The following CACNB4 variants were observed in gnomAD, a reference collection of about 807,000 sequenced individuals.
CACNB4 encodes the protein calcium voltage-gated channel auxiliary subunit beta 4.
A neutral mutation model predicts 71.2 loss-of-function variants in CACNB4; 32 were observed. The observed-to-expected ratio is 0.45, with a 90% confidence interval of 0.34 to 0.60. The LOEUF is 0.60. Ranked by LOEUF, CACNB4 falls within the 20% of genes least tolerant of loss-of-function variation. The pLI, the probability that CACNB4 is intolerant of heterozygous loss-of-function variation, is 0.01. For missense variants in CACNB4, 464 were observed against 647.9 expected, an observed-to-expected ratio of 0.72 and a Z score of 3.08; for synonymous variants, 231 against 236.9, an observed-to-expected ratio of 0.97 and a Z score of 0.23.
intron 2 of CACNB4, among the ~76,000 whole-genome samples, chr2:151,941,128 A>T (rs910400380): frequency 1.3e-5 from 2 of 152,178 alleles, no homozygotes; most frequent in African/African-American, 2.4e-5. Context: ...GTAATTAGTT[A>T]TTAGTTACTA....
At chr2:152,048,215 T>C (rs763813170) in intron 2 of CACNB4, among the ~76,000 whole-genome samples, 3 of 152,086 alleles carry the variant, frequency 2.0e-5, no homozygotes, top group Admixed American at 1.3e-4. Context: ...ACCCCCTAGA[T>C]GTAACAACAA....
At chr2:152,029,897 T>C (rs1488792600) in intron 2 of CACNB4, among the ~76,000 whole-genome samples, 5 of 152,204 alleles carry the variant, frequency 3.3e-5, no homozygotes, top group African/African-American at 1.2e-4. Context: ...CTTCCCAGCC[T>C]CTAGAACTGT....
At chr2:152,061,206 G>A (rs898137478) in intron 2 of CACNB4, among the ~76,000 whole-genome samples, 1 of 152,084 alleles carries the variant, frequency 6.6e-6, no homozygotes, top group Non-Finnish European at 1.5e-5. Context: ...CAGCTACTCG[G>A]GAGGCTAGGG....
intron 2 of CACNB4, among the ~76,000 whole-genome samples, chr2:151,931,329 C>G (rs1004214480): frequency 6.6e-6 from 1 of 152,088 alleles, no homozygotes. Context: ...CAAACTAAGC[C>G]CCGAAGTTGC....
intron 2 of CACNB4, among the ~76,000 whole-genome samples, chr2:151,953,219 A>G (rs1560059565): frequency 1.3e-5 from 2 of 152,226 alleles, no homozygotes; most frequent in Admixed American, 6.5e-5. Flanking sequence ...GGATTCTGCC[A>G]GTGCAAAGGA....
intron 2 of CACNB4, among the ~76,000 whole-genome samples, chr2:152,007,682 G>A (rs1433357060): frequency 6.6e-6 from 1 of 152,176 alleles, no homozygotes; most frequent in African/African-American, 2.4e-5. Context: ...TGTGAACACA[G>A]TTGTACAGAT....
At chr2:152,018,159 A>G (rs1683453466) in intron 2 of CACNB4, among the ~76,000 whole-genome samples, 1 of 152,152 alleles carries the variant, frequency 6.6e-6, no homozygotes, top group Non-Finnish European at 1.5e-5. Context: ...CTAAGAAGCT[A>G]TTTAGTTTTC....
intron 2 of CACNB4, among the ~76,000 whole-genome samples, chr2:152,044,563 C>T (rs370726121): frequency 6.1e-4 from 93 of 152,318 alleles, no homozygotes; most frequent in African/African-American, 2.0e-3. Context: ...AAATCTACAA[C>T]ACAGGGTGGA....
At chr2:151,965,342 A>G (rs2099870794) in intron 2 of CACNB4, among the ~76,000 whole-genome samples, 1 of 152,184 alleles carries the variant, frequency 6.6e-6, no homozygotes, top group African/African-American at 2.4e-5. Flanking sequence ...GCATCCTTTC[A>G]CTTTATCATA....
chr2:152,060,679 T>C (rs1685959646), intron 2 of CACNB4, among the ~76,000 whole-genome samples: 1 of 152,050 alleles, frequency 6.6e-6, no homozygotes, highest in Non-Finnish European at 1.5e-5. Flanking sequence ...ATCAAGAAAA[T>C]ATAAGATATT....
intron 2 of CACNB4, among the ~76,000 whole-genome samples, chr2:152,058,420 G>C (rs1332278387): frequency 6.6e-6 from 1 of 152,204 alleles, no homozygotes; most frequent in African/African-American, 2.4e-5. Context: ...TTGTTGAATG[G>C]TTTTGACAAA....
intron 7 of CACNB4, 43 bp downstream of exon 7, chr2:151,870,793 GTATATA>G: frequency 2.7e-6 from 4 of 1,480,062 alleles, no homozygotes; most frequent in Middle Eastern, 1.7e-4. Context: ...TTGCAGGCAT[GTATATA>G]TAGGAACCTT....
intron 2 of CACNB4, among the ~76,000 whole-genome samples, chr2:152,057,000 T>G (rs1325200223): frequency 6.6e-6 from 1 of 152,128 alleles, no homozygotes; most frequent in South Asian, 2.1e-4. Context: ...TTCCTAGTCA[T>G]GTACAATCCT....
chr2:151,866,605 G>C (rs2099843184), intron 9 of CACNB4: 1 of 152,224 alleles, frequency 6.6e-6, no homozygotes, highest in African/African-American at 2.4e-5. Context: ...GAGTCAGTGT[G>C]ACGCTACCAG....
At chr2:151,944,048 A>G (rs1271979512) in intron 2 of CACNB4, among the ~76,000 whole-genome samples, 4 of 130,118 alleles carry the variant, frequency 3.1e-5, no homozygotes, top group African/African-American at 1.1e-4. Flanking sequence ...TTTTTTTTAG[A>G]GAAAGGGTCT....
chr2:151,923,654 G>A (rs1188088868), intron 2 of CACNB4, among the ~76,000 whole-genome samples: 1 of 152,324 alleles, frequency 6.6e-6, no homozygotes, highest in African/African-American at 2.4e-5. Flanking sequence ...AATGGGAAAC[G>A]TTTTTGCTAA....
intron 9 of CACNB4, chr2:151,861,767 CA>C (rs1453239980): frequency 1.4e-5 from 2 of 145,500 alleles, no homozygotes; most frequent in African/African-American, 2.6e-5. Flanking sequence ...CATCTGAGCC[CA>C]GGGGGCAGAG....
chr2:151,942,227 A>C (rs1351009136), intron 2 of CACNB4, among the ~76,000 whole-genome samples: 3 of 149,302 alleles, frequency 2.0e-5, no homozygotes, highest in Non-Finnish European at 2.9e-5. Flanking sequence ...GTGTTGCAGG[A>C]AGTCAGGGAC....
chr2:151,927,050 T>C (rs1468248730), intron 2 of CACNB4, among the ~76,000 whole-genome samples: 1 of 152,222 alleles, frequency 6.6e-6, no homozygotes, highest in South Asian at 2.1e-4. Flanking sequence ...AAAACATTAT[T>C]CTGAGAAGGA....
Sources: gnomAD v4.1 joint callset for allele counts (sites outside exome capture counted in the v4.1 genomes callset) on GRCh38, gnomAD v4.1.1 for gene constraint, MANE v1.5 for transcripts, NCBI Gene and HGNC (gene_info 2026-07-23, HGNC 2026-07-21) for gene names.